The following TRIM54 variants were observed in gnomAD, a reference collection of about 807,000 sequenced individuals.
TRIM54 encodes tripartite motif containing 54, also known as tripartite motif-containing protein 54.
In TRIM54, 40 loss-of-function variants were observed where a neutral mutation model predicts 42.0. The ratio of observed to expected loss-of-function variants is 0.95; its 90% CI spans 0.74 to 1.24. The LOEUF (loss-of-function observed/expected upper bound fraction) is 1.24. TRIM54 is among the 50% of genes most tolerant of loss of function. The pLI, the probability that TRIM54 is intolerant of heterozygous loss-of-function variation, is 0.00. For synonymous variants in TRIM54, 199 were observed against 194.9 expected (o/e 1.02, Z -0.17); for missense variants, 485 against 480.3 (o/e 1.01, Z -0.09).
chr2:27,300,014 G>A (rs564529837), intron 3 of TRIM54, among the ~76,000 whole-genome samples: 5 of 151,350 alleles, frequency 3.3e-5, no homozygotes, highest in Non-Finnish European at 5.9e-5. Flanking sequence ...TCTCTGTCGC[G>A]CAGGCTGGAA....
chr2:27,291,524 C>G (rs1472927804), intron 1 of TRIM54, among the ~76,000 whole-genome samples: 12 of 152,096 alleles, frequency 7.9e-5, no homozygotes, highest in Admixed American at 7.9e-4. Flanking sequence ...ATCCCCATAC[C>G]ACCTCCAATC....
At position 27,298,739 on chromosome 2, in the gene TRIM54, G is replaced by A. The variant is rs1205971658; in HGVS notation, c.341G>A (p.Arg114Lys). 6.2e-7 allele frequency: 1 copy of A among 1,613,630 alleles called. No individual in the cohort carries two copies. The highest frequency in any genetic ancestry group is 8.5e-7 in the Non-Finnish European group (1 of 1,179,734). ...GACATTTACAAGCAGGAGTCATCCA[G>A]GTGAGCCACCAGAGTCTCTTGCCTC... is the stretch of plus-strand genomic sequence containing the variant. Reference protein sequence around the residue: ...IIDIYKQESSRPLHSKAEQHL... With the variant: ...IIDIYKQESSKPLHSKAEQHL... The change falls in exon 2 of 9, where the codon AGG becomes AAG. Residue 114 changes from arginine (R) to lysine (K), a missense_variant and splice_region_variant. Transcript: ENST00000380075.
intron 1 of TRIM54, 64 bp from the exon 2 acceptor site, chr2:27,298,503 C>T (rs558095062): frequency 9.3e-4 from 1,291 of 1,394,698 alleles, no homozygotes; most frequent in Non-Finnish European, 1.1e-3. Flanking sequence ...CCCTTTCCCC[C>T]TGCCTCCTCC....
intron 1 of TRIM54, among the ~76,000 whole-genome samples, chr2:27,288,064 C>G (rs998806456): frequency 2.0e-5 from 3 of 152,218 alleles, no homozygotes; most frequent in African/African-American, 7.2e-5. Flanking sequence ...TGTTTACAGT[C>G]CCTCTTATAC....
At chr2:27,296,328 C>T (rs1678865772) in intron 1 of TRIM54, among the ~76,000 whole-genome samples, 1 of 152,218 alleles carries the variant, frequency 6.6e-6, no homozygotes, top group Admixed American at 6.5e-5. Flanking sequence ...ACTATGCTAG[C>T]TCATAGGTGA....
chr2:27,302,517 C>T (rs1294279130), intron 3 of TRIM54, among the ~76,000 whole-genome samples: 5 of 151,626 alleles, frequency 3.3e-5, no homozygotes, highest in Non-Finnish European at 5.9e-5. Context: ...TTAAGCCAGG[C>T]GTGGTGGCTC....
In TRIM54 at chr2:27,282,909, A is replaced by G; in HGVS notation, c.168+10A>G. On this transcript the variant is annotated intron_variant, in intron 1 of 8. Coordinates refer to ENST00000380075, the MANE Select transcript of TRIM54 (RefSeq NM_187841.3). ...CAACGACGTCTTCCAGGTGGGTGCC[A>G]GGGACGGGGCAGGGCCAGGTAAAGC... The G allele has an allele frequency of 6.2e-7, 1 of 1,607,080 alleles. No individual in the cohort carries two copies. The highest frequency in any genetic ancestry group is 8.5e-7 in the Non-Finnish European group (1 of 1,176,432).
chr2:27,306,238 C>G lies in TRIM54; in HGVS notation c.892C>G (p.Leu298Val), dbSNP rs201707391. 3.3e-4 allele frequency: 538 copies of G among 1,614,092 alleles called. No homozygotes were observed. Among genetic ancestry groups the G allele is most frequent in the Admixed American group, 5.8e-4 (35 of 60,022 alleles). Residue 298 changes from leucine to valine, a missense_variant, in exon 7 of 9, where the codon CTG (leucine) becomes GTG (valine). By Grantham distance (32) the Leu-to-Val change is conservative (BLOSUM62 1). Coordinates refer to ENST00000380075, the MANE Select transcript of TRIM54 (RefSeq NM_187841.3). This position sits in a 1 kb window ranked among gnomAD's most constrained non-coding sequence, Gnocchi z 6.1. ...NKVGAMSKVE[L>V]AGRPEPGYES... ...GGTCGGGGCCATGTCGAAGGTGGAGCTGGCAGGGCGGCCGGAGCCAGGCTA... is the reference window on the plus strand; with the variant it reads ...GGTCGGGGCCATGTCGAAGGTGGAGGTGGCAGGGCGGCCGGAGCCAGGCTA...
chr2:27,293,422 C>T (rs74564095), intron 1 of TRIM54, among the ~76,000 whole-genome samples: 2,001 of 152,184 alleles, frequency 0.013, 20 homozygotes, highest in Middle Eastern at 0.031. Flanking sequence ...GTATTTTTCA[C>T]GCAGAATCCG....
Position 27,307,409 on chromosome 2 carries a change from G to T in TRIM54, c.*524G>T. The T allele has an allele frequency of 6.7e-7, 1 of 1,494,334 alleles. No homozygotes were observed. Among genetic ancestry groups the T allele is most frequent in the Non-Finnish European group, 8.9e-7 (1 of 1,119,694 alleles). The allele number at this position is 1,494,334 out of a possible 1,614,324, so 92.6% of individuals were successfully genotyped here. A position where few individuals can be genotyped will look rare whatever the true frequency, so the allele number is the denominator to read the frequency against. On this transcript the variant is annotated 3_prime_UTR_variant, in exon 9 of 9. Transcript: ENST00000380075. The surrounding 1 kb of genome is among the most constrained non-coding windows in gnomAD (Gnocchi z 6.9). Reference sequence around the variant, plus strand: ...TACGACAAAAGCCAACGGGTCTTCAGTACTTTTATTAAAAAATAGTCACGC... The same window carrying T: ...TACGACAAAAGCCAACGGGTCTTCATTACTTTTATTAAAAAATAGTCACGC...
At chr2:27,293,231 C>T (rs1572521966) in intron 1 of TRIM54, among the ~76,000 whole-genome samples, 1 of 152,188 alleles carries the variant, frequency 6.6e-6, no homozygotes, top group African/African-American at 2.4e-5. Flanking sequence ...GAATTCCTGA[C>T]TCAACCCACT....
At chr2:27,292,808 G>A (rs1678755450) in intron 1 of TRIM54, among the ~76,000 whole-genome samples, 1 of 152,128 alleles carries the variant, frequency 6.6e-6, no homozygotes, top group Admixed American at 6.5e-5. Context: ...GTCCTTTTGT[G>A]TCTGGCTTAT....
At chr2:27,289,685 T>G (rs1035931592) in intron 1 of TRIM54, among the ~76,000 whole-genome samples, 2 of 151,722 alleles carry the variant, frequency 1.3e-5, no homozygotes, top group African/African-American at 4.8e-5. Flanking sequence ...ATCTATGATA[T>G]TAATATTTAA....
At chr2:27,302,202 G>C (rs911907671) in intron 3 of TRIM54, among the ~76,000 whole-genome samples, 1 of 151,982 alleles carries the variant, frequency 6.6e-6, no homozygotes, top group African/African-American at 2.4e-5. Context: ...TGTAATCCCA[G>C]TACTTTGGGA....
intron 3 of TRIM54, among the ~76,000 whole-genome samples, chr2:27,304,288 A>T (rs942636787): frequency 1.4e-5 from 2 of 144,154 alleles, no homozygotes; most frequent in Admixed American, 7.2e-5. Flanking sequence ...AGATAGATAG[A>T]TATAAAACAT....
At chr2:27,293,458 C>T (rs757857614) in intron 1 of TRIM54, among the ~76,000 whole-genome samples, 2 of 152,196 alleles carry the variant, frequency 1.3e-5, no homozygotes, top group African/African-American at 4.8e-5. Flanking sequence ...TAGAGGCCCA[C>T]ACAGGTCCAT....
rs764431268 is a variant in TRIM54, at chr2:27,306,467, G to A, written c.1003G>A (p.Glu335Lys). ...TIDFQPGASG[E>K]EEEVAPDGEE... ...TTCCTTGGGCTCAGGCGCTTCCGGG[G>A]AGGAAGAGGAGGTGGCCCCAGACGG... Residue 335 changes from glutamate (E) to lysine (K), a missense_variant, in exon 8 of 9, where the codon GAG (glutamate) becomes AAG (lysine). Physicochemically the swap from Glu to Lys is moderately conservative, Grantham distance 56. Coordinates refer to ENST00000380075, the MANE Select transcript of TRIM54 (RefSeq NM_187841.3). This position sits in a 1 kb window ranked among gnomAD's most constrained non-coding sequence, Gnocchi z 6.1. The A allele has an allele frequency of 6.3e-6, 10 of 1,593,880 alleles. No homozygotes were observed. The highest frequency in any genetic ancestry group is 8.5e-6 in the Non-Finnish European group (10 of 1,169,922).
chr2:27,294,337 T>C (rs1572522788), intron 1 of TRIM54, among the ~76,000 whole-genome samples: 1 of 151,940 alleles, frequency 6.6e-6, no homozygotes, highest in South Asian at 2.1e-4. Context: ...CCCAGGCTGG[T>C]CTTGAACTCC....
chr2:27,299,581 A>G lies in TRIM54; in HGVS notation c.513+165A>G, dbSNP rs1261589961. The stretch of plus-strand genomic sequence containing the variant: ...GCTGGAGTGCAGTGGCACAAACACA[A>G]CTTACTGCAGCCTTGATCTCCCGAG... On this transcript the variant is annotated intron_variant, in intron 3 of 8. Coordinates refer to ENST00000380075, the MANE Select transcript of TRIM54 (RefSeq NM_187841.3). The G allele has an allele frequency of 4.9e-6, 7 of 1,435,524 alleles. No individual in the cohort carries two copies. In the African/African-American group the frequency reaches 7.2e-5, roughly 15 times the overall value. 88.9% of individuals were successfully genotyped at this position (1,435,524 alleles called of 1,614,324 possible). A position where few individuals can be genotyped will look rare whatever the true frequency, so the allele number is the denominator to read the frequency against.
Sources: gnomAD v4.1 joint callset for allele counts (sites outside exome capture counted in the v4.1 genomes callset) on GRCh38, gnomAD v4.1.1 for gene constraint, Gnocchi (gnomAD v3.1) non-coding constraint, MANE v1.5 for transcripts, NCBI Gene and HGNC (gene_info 2026-07-23, HGNC 2026-07-21) for gene names.